The following EEF2K variants were observed in gnomAD, a reference collection of about 807,000 sequenced individuals.
EEF2K encodes eukaryotic elongation factor 2 kinase.
In EEF2K, 70 loss-of-function variants were observed where a neutral mutation model predicts 93.8. That is an observed-to-expected ratio of 0.75 (90% CI 0.62 to 0.91). The LOEUF (loss-of-function observed/expected upper bound fraction) is 0.91. EEF2K is among the 40% of genes least tolerant of loss of function. The pLI is 0.00. For missense variants in EEF2K, 935 were observed against 972.9 expected (o/e 0.96, Z 0.52); for synonymous variants, 376 against 380.8 (o/e 0.99, Z 0.15).
At chr16:22,282,884 T>TG (rs1460317762) in intron 17 of EEF2K, among the ~76,000 whole-genome samples, 2 of 152,222 alleles carry the variant, frequency 1.3e-5, no homozygotes, top group East Asian at 1.9e-4. Flanking sequence ...AATTTGTGGA[T>TG]GGGGAGCCCA....
At chr16:22,225,016 G>A (rs1283853674) in intron 1 of EEF2K, among the ~76,000 whole-genome samples, 2 of 152,086 alleles carry the variant, frequency 1.3e-5, no homozygotes, top group African/African-American at 4.8e-5. Flanking sequence ...GGGAGTGATT[G>A]GATATGCATG....
chr16:22,261,434 A>G (rs2047460948), intron 11 of EEF2K, among the ~76,000 whole-genome samples: 1 of 152,128 alleles, frequency 6.6e-6, no homozygotes, highest in Admixed American at 6.6e-5. Flanking sequence ...CACGCCTGTA[A>G]TCCCAGCACT....
rs1284794618 is a variant in EEF2K at position 22,257,323 on chromosome 16, A to T, written c.839A>T (p.Asp280Val). The T allele has an allele frequency of 6.2e-7, 1 of 1,613,672 alleles. No individual in the cohort carries two copies. Among genetic ancestry groups the T allele is most frequent in the Non-Finnish European group, 8.5e-7 (1 of 1,179,958 alleles). ...LIVVDIQGVGDLYTDPQIHTE... is the reference protein window; with the variant it reads ...LIVVDIQGVGVLYTDPQIHTE... ...GTGGTGGACATCCAGGGAGTTGGGG[A>T]TCTCTACACTGACCCACAGATCCAC... Residue 280 changes from aspartate (D) to valine (V), a missense_variant, in exon 8 of 18, where the codon GAT becomes GTT. Asp to Val is a radical substitution (Grantham distance 152). Transcript: ENST00000263026.
At position 22,273,609 on chromosome 16, in the gene EEF2K, T is replaced by G. The variant is rs1235061431; in HGVS notation, c.1765-17T>G. 6.2e-7 allele frequency: 1 copy of G among 1,613,408 alleles called. No homozygotes were observed. Among genetic ancestry groups the G allele is most frequent in the South Asian group, 1.1e-5 (1 of 91,014 alleles). On this transcript the variant is annotated splice_polypyrimidine_tract_variant and intron_variant, in intron 15 of 17. Transcript: ENST00000263026. Reference sequence around the variant, plus strand: ...CTCATTCACTCTTCTTTCTCCCTCTTTGGTTTGTATCAACAGGAGACAGAA... The same window carrying G: ...CTCATTCACTCTTCTTTCTCCCTCTGTGGTTTGTATCAACAGGAGACAGAA...
At chr16:22,223,868 G>A (rs2047038079) in intron 1 of EEF2K, among the ~76,000 whole-genome samples, 1 of 152,094 alleles carries the variant, frequency 6.6e-6, no homozygotes, top group Admixed American at 6.6e-5. Context: ...TGGACATTTG[G>A]GGTTGTTGGG....
chr16:22,285,189 C>T lies in EEF2K; in HGVS notation c.*1193C>T, dbSNP rs951916468. The T allele has an allele frequency of 6.6e-6, 1 of 152,482 alleles. No individual in the cohort carries two copies. The highest frequency in any genetic ancestry group is 2.4e-5 in the African/African-American group (1 of 41,442). The allele number at this position is 152,482 out of a possible 1,614,324, so 9.4% of individuals were successfully genotyped here. On this transcript the variant is annotated 3_prime_UTR_variant, in exon 18 of 18. Transcript: ENST00000263026. ...CCCACACTCTGCATCTCAGTGGCAG[C>T]TCCCACAACGTGACTGCAATGTCTC...
intron 3 of EEF2K, among the ~76,000 whole-genome samples, chr16:22,247,309 G>T (rs936140321): frequency 1.3e-5 from 2 of 151,676 alleles, no homozygotes; most frequent in African/African-American, 4.8e-5. Flanking sequence ...AGCTGGGTAT[G>T]GTGGCAGGCA....
Position 22,236,723 on chromosome 16 carries a change from C to T in EEF2K, c.247-7907C>T, listed in dbSNP as rs147327602. ...CATTTGCAAACACATTGCCGGCACT[C>T]CACCCTCACTCCTGGCATACTCGAT... is the stretch of plus-strand genomic sequence containing the variant. On this transcript the variant is annotated intron_variant, in intron 2 of 17. Transcript: ENST00000263026. 4.0e-4 allele frequency among the ~76,000 whole-genome samples: 61 copies of T among 151,598 alleles called. 2 individuals are homozygous for T. The highest frequency in any genetic ancestry group is 1.4e-3 in the African/African-American group (59 of 41,338).
At chr16:22,234,089 A>AC (rs200979331) in intron 2 of EEF2K, among the ~76,000 whole-genome samples, 86 of 151,176 alleles carry the variant, frequency 5.7e-4, no homozygotes, top group East Asian at 5.3e-3. Flanking sequence ...CCACCAGAGG[A>AC]CCCCCCCCAG....
intron 1 of EEF2K, among the ~76,000 whole-genome samples, chr16:22,220,379 G>A (rs377449900): frequency 1.3e-4 from 20 of 152,174 alleles, no homozygotes; most frequent in Non-Finnish European, 1.5e-4. Flanking sequence ...AGTCGGCTCC[G>A]TGAATTAATT....
intron 16 of EEF2K, among the ~76,000 whole-genome samples, chr16:22,278,198 C>T (rs1022407563): frequency 3.3e-5 from 5 of 152,030 alleles, no homozygotes; most frequent in African/African-American, 1.2e-4. Context: ...CAGAGTGAAA[C>T]GCTATCTCAA....
At chr16:22,268,621 C>T (rs1422782366) in intron 15 of EEF2K, among the ~76,000 whole-genome samples, 1 of 151,924 alleles carries the variant, frequency 6.6e-6, no homozygotes, top group East Asian at 1.9e-4. Flanking sequence ...CCTGAGCCAC[C>T]ATGCCCGACC....
rs777741513 is a variant in EEF2K, at chr16:22,266,723, G to A, written c.1611G>A (p.Gly537=). ...CCATGGTGCGCTACCACGAGGGTGGGCGCTTCTGCGAGAAGGGCGAGGAGT... is the reference window on the plus strand; with the variant it reads ...CCATGGTGCGCTACCACGAGGGTGGACGCTTCTGCGAGAAGGGCGAGGAGT... ...HLAMVRYHEG[G]RFCEKGEEWD... The change falls in exon 15 of 18, where the codon GGG becomes GGA. Residue 537 remains glycine, a synonymous_variant. Transcript: ENST00000263026. 7.4e-6 allele frequency: 12 copies of A among 1,613,564 alleles called. No individual in the cohort carries two copies. Among genetic ancestry groups the A allele is most frequent in the Non-Finnish European group, 1.0e-5 (12 of 1,179,788 alleles).
chr16:22,276,571 G>A (rs1032395013), intron 16 of EEF2K, among the ~76,000 whole-genome samples: 1 of 152,136 alleles, frequency 6.6e-6, no homozygotes, highest in African/African-American at 2.4e-5. Flanking sequence ...TCCAATAGGC[G>A]AAGGAGAAGG....
chr16:22,234,877 CTTTTT>C (rs1173052779), intron 2 of EEF2K, among the ~76,000 whole-genome samples: 1 of 90,626 alleles, frequency 1.1e-5, no homozygotes, highest in Non-Finnish European at 2.1e-5. Flanking sequence ...TTTTTTGTTG[CTTTTT>C]TTTTTTTTTT....
intron 2 of EEF2K, among the ~76,000 whole-genome samples, chr16:22,233,003 A>G (rs911187877): frequency 6.6e-6 from 1 of 152,164 alleles, no homozygotes; most frequent in African/African-American, 2.4e-5. Context: ...GTCAGATTCT[A>G]TCGCTGTCAA....
At chr16:22,263,638 T>C (rs1335269951) in intron 12 of EEF2K, among the ~76,000 whole-genome samples, 5 of 152,058 alleles carry the variant, frequency 3.3e-5, no homozygotes, top group African/African-American at 1.2e-4. Flanking sequence ...GTATTTCAGA[T>C]AAAGATAAAT....
intron 11 of EEF2K, among the ~76,000 whole-genome samples, chr16:22,260,868 T>C (rs2047455980): frequency 6.6e-6 from 1 of 152,184 alleles, no homozygotes; most frequent in South Asian, 2.1e-4. Flanking sequence ...AGAGCCCTAA[T>C]ACTGGGTCTT....
chr16:22,265,001 A>G (rs2047503581), intron 13 of EEF2K, 121 bp downstream of exon 13: 4 of 1,212,200 alleles, frequency 3.3e-6, no homozygotes, highest in Non-Finnish European at 4.6e-6. Context: ...GTGCTAAAGG[A>G]AGATTTTGCA....
Sources: gnomAD v4.1 joint callset for allele counts (sites outside exome capture counted in the v4.1 genomes callset) on GRCh38, gnomAD v4.1.1 for gene constraint, MANE v1.5 for transcripts, NCBI Gene and HGNC (gene_info 2026-07-23, HGNC 2026-07-21) for gene names.